The following UGT2B4 variants were observed in gnomAD, a reference collection of about 807,000 sequenced individuals.
UGT2B4 encodes the protein UDP glucuronosyltransferase family 2 member B4, also known as UDP-glucuronosyltransferase 2B4.
In UGT2B4, 49 loss-of-function variants were observed where a neutral mutation model predicts 49.8. The observed-to-expected ratio is 0.98, with a 90% CI of 0.78 to 1.25. The LOEUF is 1.25. Ranked by LOEUF, UGT2B4 falls within the 50% of genes most tolerant of loss-of-function variation. The pLI is 0.00. For synonymous variants in UGT2B4, 246 were observed against 217.7 expected, an observed-to-expected ratio of 1.13 and a Z score of -1.14; for missense variants, 729 against 627.7, an observed-to-expected ratio of 1.16 and a Z score of -1.73.
At chr4:69,496,493 T>A (rs41299964), upstream of UGT2B4, among the ~76,000 whole-genome samples, 1 of 152,204 alleles carries the variant, frequency 6.6e-6, no homozygotes, top group Non-Finnish European at 1.5e-5. Flanking sequence ...TAAATGTGGT[T>A]CAAAAACTTT....
intron 5 of UGT2B4, 119 bp downstream of exon 5, chr4:69,485,089 T>G: frequency 7.8e-7 from 1 of 1,279,892 alleles, no homozygotes; most frequent in South Asian, 1.4e-5. Flanking sequence ...TTTCAGATTG[T>G]TTAAATCACT....
intron 1 of UGT2B4, among the ~76,000 whole-genome samples, chr4:69,501,383 C>T (rs1241114451): frequency 6.6e-6 from 1 of 152,084 alleles, no homozygotes. Context: ...TTCTAGCCAC[C>T]CCAATCAGTG....
intron 5 of UGT2B4, 124 bp downstream of exon 5, chr4:69,485,084 G>T: frequency 8.3e-7 from 1 of 1,201,150 alleles, no homozygotes; most frequent in Non-Finnish European, 1.2e-6. Flanking sequence ...GCAGATTTCA[G>T]ATTGTTTAAA....
chr4:69,525,724 A>C, exon 1 of UGT2B4: 1 of 1,278,136 alleles, frequency 7.8e-7, no homozygotes, highest in Non-Finnish European at 1.0e-6. Flanking sequence ...AGAGAGCAAA[A>C]AACATTATGA....
chr4:69,517,304 AG>A, intron 1 of UGT2B4, among the ~76,000 whole-genome samples: 1 of 152,316 alleles, frequency 6.6e-6, no homozygotes, highest in Non-Finnish European at 1.5e-5. Context: ...CTATCAAAAA[AG>A]GATTTTCTGA....
chr4:69,507,095 A>G (rs938648934), intron 1 of UGT2B4, among the ~76,000 whole-genome samples: 8 of 152,338 alleles, frequency 5.3e-5, no homozygotes, highest in African/African-American at 9.6e-5. Flanking sequence ...AGAGACATCT[A>G]TGACAAACCC....
rs148111191 is a variant in UGT2B4 at position 69,503,006 on chromosome 4, A to T, written c.-105-7040T>A. Among the ~76,000 whole-genome samples the T allele has an allele frequency of 3.9e-5, 6 of 152,276 alleles. No homozygotes were observed. In the East Asian group the frequency reaches 1.2e-3, roughly 29 times the overall value. ...GGGGGGATCCTCCAGGAGACAAGCA[A>T]AGTAGTGGAGCAGTAAGCCAGCTGA... On this transcript the variant is annotated intron_variant, in intron 1 of 1. Transcript: ENST00000510114.
chr4:69,489,417 C>T (rs1380536893), intron 3 of UGT2B4, 22 bp downstream of exon 3: 8 of 1,605,754 alleles, frequency 5.0e-6, no homozygotes, highest in Non-Finnish European at 6.8e-6. Context: ...GTTTTTTACA[C>T]CATTAAAACA....
chr4:69,490,141 GA>G (rs986685601), intron 2 of UGT2B4, among the ~76,000 whole-genome samples: 3 of 151,500 alleles, frequency 2.0e-5, no homozygotes, highest in Non-Finnish European at 2.9e-5. Context: ...TTTCAAAAGA[GA>G]AAAAAAAGTA....
intron 1 of UGT2B4, among the ~76,000 whole-genome samples, chr4:69,519,819 C>T (rs959453004): frequency 1.3e-5 from 2 of 152,226 alleles, no homozygotes; most frequent in Non-Finnish European, 2.9e-5. Flanking sequence ...GTGTAACTTA[C>T]TGCTTCCTCT....
chr4:69,493,593 A>G, intron 2 of UGT2B4, 100 bp downstream of exon 2: 1 of 1,413,746 alleles, frequency 7.1e-7, no homozygotes. Flanking sequence ...TACTCTTCCC[A>G]CTTCCACCTT....
At chr4:69,524,111 G>T (rs949041783) in intron 1 of UGT2B4, among the ~76,000 whole-genome samples, 1 of 99,874 alleles carries the variant, frequency 1.0e-5, no homozygotes. Context: ...TCACGTCAGC[G>T]ATAATGCAGA....
At chr4:69,481,275 AGAG>A (rs1727584665) in intron 5 of UGT2B4, among the ~76,000 whole-genome samples, 2 of 152,066 alleles carry the variant, frequency 1.3e-5, no homozygotes, top group African/African-American at 4.8e-5. Flanking sequence ...TCTCAAAAAA[AGAG>A]AAGGTAAGTT....
chr4:69,503,351 G>C (rs1728391472), intron 1 of UGT2B4, among the ~76,000 whole-genome samples: 1 of 152,156 alleles, frequency 6.6e-6, no homozygotes, highest in East Asian at 1.9e-4. Flanking sequence ...GGCCCCTATA[G>C]CCATGCACCC....
chr4:69,493,904 G>A, intron 1 of UGT2B4, 63 bp from the exon 2 acceptor site: 1 of 1,535,020 alleles, frequency 6.5e-7, no homozygotes, highest in South Asian at 1.3e-5. Flanking sequence ...GTAATTTTCT[G>A]AAAGAAGTTA....
intron 1 of UGT2B4, among the ~76,000 whole-genome samples, chr4:69,522,606 G>C (rs1456212042): frequency 1.3e-5 from 2 of 152,170 alleles, no homozygotes; most frequent in African/African-American, 4.8e-5. Flanking sequence ...AAGCCCCGTG[G>C]TAATCTTTTT....
chr4:69,495,730 A>T lies in UGT2B4; in HGVS notation c.132T>A (p.Asp44Glu), dbSNP rs1330799483. Residue 44 changes from aspartate (D) to glutamate (E), a missense_variant, in exon 1 of 6, where the codon GAT becomes GAA. Asp to Glu is a conservative substitution (Grantham distance 45, BLOSUM62 2). Coordinates refer to ENST00000305107, the MANE Select transcript of UGT2B4 (RefSeq NM_021139.3). The stretch of plus-strand genomic sequence containing the variant: ...CCTCATGACCTCTCTGGACAAGTTC[A>T]TCCAGGATTGTCTTTATATTCATCC... Reference protein sequence around the residue: ...SHWMNIKTILDELVQRGHEVT... With the variant: ...SHWMNIKTILEELVQRGHEVT... 3 of 1,614,082 alleles carry T rather than the reference A, an allele frequency of 1.9e-6. No homozygotes were observed. Among genetic ancestry groups the T allele is most frequent in the African/African-American group, 1.3e-5 (1 of 75,044 alleles).
Position 69,495,583 on chromosome 4 carries a change from C to A in UGT2B4, c.279G>T (p.Leu93=), listed in dbSNP as rs755707577. Residue 93 remains leucine, a synonymous_variant, in exon 1 of 6, where the codon CTG becomes CTT. Coordinates refer to ENST00000305107, the MANE Select transcript of UGT2B4 (RefSeq NM_021139.3). ...KTEFEDIIKQ[L]VKRWAELPKD... Reference sequence around the variant, plus strand: ...TTGGAAGTTCTGCCCATCTCTTAACCAGCTGCTTGATAATATCCTCAAACT... The same window carrying A: ...TTGGAAGTTCTGCCCATCTCTTAACAAGCTGCTTGATAATATCCTCAAACT... The A allele has an allele frequency of 6.2e-7, 1 of 1,613,910 alleles. No individual in the cohort carries two copies. The highest frequency in any genetic ancestry group is 8.5e-7 in the Non-Finnish European group (1 of 1,179,952).
intron 1 of UGT2B4, among the ~76,000 whole-genome samples, chr4:69,519,169 T>C (rs1728793075): frequency 6.6e-6 from 1 of 152,260 alleles, no homozygotes; most frequent in Admixed American, 6.5e-5. Context: ...ATTCTAGTTT[T>C]AGGTAAAAAG....
Sources: allele counts gnomAD v4.1 joint callset (sites outside exome capture counted in the v4.1 genomes callset), GRCh38; gene constraint gnomAD v4.1.1; transcripts MANE v1.5; gene names NCBI Gene and HGNC (gene_info 2026-07-23, HGNC 2026-07-21).